JAML: variants seen among roughly 807,000 people sequenced by gnomAD.
JAML encodes the protein junction adhesion molecule like, also known as junctional adhesion molecule-like.
JAML carries 25 observed loss-of-function variants against 39.3 expected under a neutral mutation model. The observed-to-expected ratio is 0.64, with a 90% CI of 0.46 to 0.89. The LOEUF (loss-of-function observed/expected upper bound fraction) is 0.89. Ranked by LOEUF, JAML falls within the 40% of genes least tolerant of loss-of-function variation. The pLI is 0.00. For synonymous variants in JAML, 162 were observed against 179.2 expected (o/e 0.90, Z 0.77); for missense variants, 440 against 486.9 (o/e 0.90, Z 0.91).
At chr11:118,199,035 C>A (rs539346395) in intron 7 of JAML, among the ~76,000 whole-genome samples, 1 of 152,232 alleles carries the variant, frequency 6.6e-6, no homozygotes, top group South Asian at 2.1e-4. Context: ...ACCATAAATT[C>A]TGTATTTTTA....
chr11:118,210,592 G>C lies in JAML; in HGVS notation c.319C>G (p.Gln107Glu), dbSNP rs749658607. Residue 107 changes from glutamine (Q) to glutamate (E), a missense_variant, in exon 4 of 10, where the codon CAA becomes GAA. Coordinates refer to ENST00000356289, the MANE Select transcript of JAML (RefSeq NM_001098526.2). The stretch of plus-strand genomic sequence containing the variant: ...ATATAGGTTCCCTGGTCAGCCTCTT[G>C]CACATCTTGGAGCAGGAGAGAGCCA... Reference protein sequence around the residue: ...NDGSLLLQDVQEADQGTYICE... With the variant: ...NDGSLLLQDVEEADQGTYICE... 6.2e-7 allele frequency: 1 copy of C among 1,614,208 alleles called. No homozygotes were observed. Among genetic ancestry groups the C allele is most frequent in the Admixed American group, 1.7e-5 (1 of 60,022 alleles).
rs147924818 is a variant in JAML at position 118,209,221 on chromosome 11, T to G, written c.424+1266A>C. 1.2e-3 allele frequency: 274 copies of G among 222,414 alleles called. 4 individuals are homozygous for G. Among genetic ancestry groups the G allele is most frequent in the African/African-American group, 6.0e-3 (266 of 43,992 alleles). 13.8% of individuals were successfully genotyped at this position (222,414 alleles called of 1,614,324 possible). ...CCCAGTCAAAGAGGCGAAAAAAACT[T>G]TCTAAATGACTCGGGCCACCACAGC... is the stretch of plus-strand genomic sequence containing the variant. On this transcript the variant is annotated intron_variant, in intron 4 of 9. Coordinates refer to ENST00000356289, the MANE Select transcript of JAML (RefSeq NM_001098526.2).
In JAML at chr11:118,200,476, C is replaced by T. The variant is rs769042020; in HGVS notation, c.909G>A (p.Lys303=). The T allele has an allele frequency of 2.8e-5, 45 of 1,613,950 alleles. No homozygotes were observed. The highest frequency in any genetic ancestry group is 3.8e-5 in the Non-Finnish European group (45 of 1,180,016). Residue 303 remains lysine (K), a splice_region_variant and synonymous_variant, in exon 7 of 10, where the codon AAG becomes AAA. Coordinates refer to ENST00000356289, the MANE Select transcript of JAML (RefSeq NM_001098526.2). ...ILIVKKTCGN[K]SSVNSTVLVK... is the part of the protein sequence containing the mutation. ...AAGGGGTGGGGGTAGCCCTGTACCTCTTATTTCCACAGGTCTTCTTCACGA... is the reference window on the plus strand; with the variant it reads ...AAGGGGTGGGGGTAGCCCTGTACCTTTTATTTCCACAGGTCTTCTTCACGA...
chr11:118,194,056 G>A lies in JAML; in HGVS notation c.*269C>T. ...GAGGGTCTGATCCAACGGGGGGTTTGAGGCCACTCAGCTCAGCCTGGTTCC... is the reference window on the plus strand; with the variant it reads ...GAGGGTCTGATCCAACGGGGGGTTTAAGGCCACTCAGCTCAGCCTGGTTCC... On this transcript the variant is annotated 3_prime_UTR_variant, in exon 10 of 10. Coordinates refer to ENST00000356289, the MANE Select transcript of JAML (RefSeq NM_001098526.2). 2.4e-6 allele frequency: 1 copy of A among 413,478 alleles called. No homozygotes were observed. The allele number at this position is 413,478 out of a possible 1,614,324, so 25.6% of individuals were successfully genotyped here. A position where few individuals can be genotyped will look rare whatever the true frequency, so the allele number is the denominator to read the frequency against.
intron 6 of JAML, chr11:118,203,178 T>C (rs1948845766): frequency 1.6e-6 from 1 of 641,322 alleles, no homozygotes; most frequent in Non-Finnish European, 2.9e-6. Flanking sequence ...AGAGGATTGG[T>C]ATTCACTAAA....
intron 1 of JAML, among the ~76,000 whole-genome samples, chr11:118,215,741 A>T (rs1051446569): frequency 6.6e-6 from 1 of 152,102 alleles, no homozygotes; most frequent in East Asian, 1.9e-4. Context: ...GGACAAAAGT[A>T]TGTGTTTGAT....
intron 8 of JAML, chr11:118,197,616 T>C (rs1378386933): frequency 5.7e-6 from 1 of 176,990 alleles, no homozygotes; most frequent in African/African-American, 2.4e-5. Flanking sequence ...ACCTCCTAGA[T>C]TACAAAGCAT....
At chr11:118,214,801 G>A (rs765346850) in intron 2 of JAML, 23 bp downstream of exon 2, 51 of 1,611,558 alleles carry the variant, frequency 3.2e-5, no homozygotes, top group East Asian at 4.5e-5. Flanking sequence ...AATACCCCAC[G>A]GAGTCCCTTA....
At chr11:118,216,422 A>G (rs955044583) in intron 1 of JAML, among the ~76,000 whole-genome samples, 1 of 152,122 alleles carries the variant, frequency 6.6e-6, no homozygotes, top group African/African-American at 2.4e-5. Flanking sequence ...GTATTCTCCA[A>G]TCAACAAAAT....
At chr11:118,214,062 A>AAAT (rs2134672401) in intron 2 of JAML, among the ~76,000 whole-genome samples, 1 of 152,320 alleles carries the variant, frequency 6.6e-6, no homozygotes, top group South Asian at 2.1e-4. Context: ...AAAGTTCAAA[A>AAAT]AATAATAATA....
intron 4 of JAML, among the ~76,000 whole-genome samples, chr11:118,208,463 T>G (rs1447464637): frequency 6.6e-6 from 1 of 152,242 alleles, no homozygotes; most frequent in Admixed American, 6.5e-5. Context: ...GCTTATTAAT[T>G]GCTTACTCTG....
intron 4 of JAML, among the ~76,000 whole-genome samples, chr11:118,209,756 A>T (rs190586334): frequency 1.3e-5 from 2 of 151,830 alleles, no homozygotes; most frequent in Non-Finnish European, 2.9e-5. Context: ...TGCCCAAGCT[A>T]GTCTCAAACT....
chr11:118,194,350 ATTCCCC>A lies in JAML; in HGVS notation c.1154_1159del (p.Gly385_Met387delinsVal), dbSNP rs1349941163. ...TCAAAAGGCTTGCTGTGTTTTTGGCATTCCCCCACCTGACTTTTTTTCAAGTGAGTT... is the reference window on the plus strand; with the variant it reads ...TCAAAAGGCTTGCTGTGTTTTTGGCACACCTGACTTTTTTTCAAGTGAGTT... On this transcript the variant is annotated inframe_deletion, in exon 10 of 10. Transcript: ENST00000356289. 1.2e-6 allele frequency: 2 copies of A among 1,613,788 alleles called. No individual in the cohort carries two copies. The highest frequency in any genetic ancestry group is 2.2e-5 in the South Asian group (2 of 91,072).
At chr11:118,220,860 G>A (rs565686443) in intron 1 of JAML, among the ~76,000 whole-genome samples, 2 of 152,334 alleles carry the variant, frequency 1.3e-5, no homozygotes, top group East Asian at 3.9e-4. Context: ...TGCTGAAAAT[G>A]GGACTGTCCT....
chr11:118,204,870 T>C (rs911872544), intron 5 of JAML: 2 of 152,140 alleles, frequency 1.3e-5, no homozygotes, highest in African/African-American at 2.4e-5. Context: ...AAAAAAGCCA[T>C]GTAGATTGCT....
intron 5 of JAML, 128 bp downstream of exon 5, chr11:118,205,754 A>G (rs1948902280): frequency 1.4e-6 from 1 of 737,420 alleles, no homozygotes; most frequent in East Asian, 2.5e-5. Flanking sequence ...TTGCTAGGAG[A>G]AGGTCCAGTT....
chr11:118,216,543 G>C (rs1447897843), intron 1 of JAML, among the ~76,000 whole-genome samples: 1 of 152,122 alleles, frequency 6.6e-6, no homozygotes, highest in Non-Finnish European at 1.5e-5. Context: ...GCCTTTAAAA[G>C]GGATTGATAA....
intron 1 of JAML, among the ~76,000 whole-genome samples, chr11:118,223,392 C>A (rs1258960623): frequency 6.6e-6 from 1 of 152,110 alleles, no homozygotes; most frequent in Non-Finnish European, 1.5e-5. Flanking sequence ...TATGGTCAAA[C>A]TATGATTGTA....
chr11:118,207,107 G>A (rs1948932605), intron 4 of JAML, among the ~76,000 whole-genome samples: 1 of 152,164 alleles, frequency 6.6e-6, no homozygotes, highest in African/African-American at 2.4e-5. Context: ...AAAATCTATG[G>A]AAGGAATTAT....
Sources: gnomAD v4.1 joint callset for allele counts (sites outside exome capture counted in the v4.1 genomes callset) on GRCh38, gnomAD v4.1.1 for gene constraint, MANE v1.5 for transcripts, NCBI Gene and HGNC (gene_info 2026-07-23, HGNC 2026-07-21) for gene names.